The following PCDHGA6 variants were observed in gnomAD, a reference collection of about 807,000 sequenced individuals.
PCDHGA6 encodes the protein protocadherin gamma-A6.
PCDHGA6 carries 41 observed loss-of-function variants against 60.6 expected under a neutral mutation model. That is an observed-to-expected ratio of 0.68 (90% CI 0.53 to 0.88). The LOEUF (loss-of-function observed/expected upper bound fraction) is 0.88. Ranked by LOEUF, PCDHGA6 falls within the 40% of genes least tolerant of loss-of-function variation. The pLI is 0.00. For missense variants in PCDHGA6, 1,312 were observed against 1,203.0 expected (o/e 1.09, Z -1.34); for synonymous variants, 594 against 524.4 (o/e 1.13, Z -1.81).
intron 1 of PCDHGA6, chr5:141,408,748 T>A (rs757813921): frequency 2.5e-6 from 4 of 1,608,714 alleles, no homozygotes; most frequent in Non-Finnish European, 3.4e-6. Flanking sequence ...CATTAATGGT[T>A]AGAGTTAATT....
chr5:141,476,727 G>A lies in PCDHGA6; in HGVS notation c.2425-18080G>A, dbSNP rs762236731. On this transcript the variant is annotated intron_variant, in intron 1 of 3. Coordinates refer to ENST00000517434, the MANE Select transcript of PCDHGA6 (RefSeq NM_018919.3). This position sits in a 1 kb window ranked among gnomAD's most constrained non-coding sequence, Gnocchi z 7.6. ...CTGGTGTTGGAGCGCGCCCTGGACC[G>A]AGAACGGGAGCCTAGTCTCCAGTTA... 5 of 1,614,108 alleles carry A rather than the reference G, an allele frequency of 3.1e-6. No individual in the cohort carries two copies. Among genetic ancestry groups the A allele is most frequent in the Non-Finnish European group, 4.2e-6 (5 of 1,180,032 alleles).
chr5:141,496,621 C>A (rs1297797187), intron 2 of PCDHGA6, among the ~76,000 whole-genome samples: 1 of 152,214 alleles, frequency 6.6e-6, no homozygotes. Context: ...AGCAGCAGAT[C>A]AAAAGGCTTG....
chr5:141,456,698 C>T (rs1466672057), intron 1 of PCDHGA6, among the ~76,000 whole-genome samples: 1 of 152,132 alleles, frequency 6.6e-6, no homozygotes, highest in Non-Finnish European at 1.5e-5. Flanking sequence ...GGCGTGGTGG[C>T]TCGCGCCTGT....
At position 141,490,440 on chromosome 5, in the gene PCDHGA6, T is replaced by C. The variant is rs560525159; in HGVS notation, c.2425-4367T>C. On this transcript the variant is annotated intron_variant, in intron 1 of 3. Transcript: ENST00000517434. This position sits in a 1 kb window ranked among gnomAD's most constrained non-coding sequence, Gnocchi z 5.4. ...ACCTGCCATTTCAGATTAAGCCTTC[T>C]GAGAACCACTACTCGCTGCTAACCA... 7 of 1,614,206 alleles carry C rather than the reference T, an allele frequency of 4.3e-6. No homozygotes were observed. Among genetic ancestry groups the C allele is most frequent in the Non-Finnish European group, 5.9e-6 (7 of 1,180,040 alleles).
rs767842302 is a variant in PCDHGA6 at position 141,381,979 on chromosome 5, G to A, written c.2424+5472G>A. Among the ~76,000 whole-genome samples the A allele has an allele frequency of 2.6e-5, 4 of 151,486 alleles. 1 individual carries two copies. Among genetic ancestry groups the A allele is most frequent in the East Asian group, 3.9e-4 (2 of 5,156 alleles). On this transcript the variant is annotated intron_variant, in intron 1 of 3. Transcript: ENST00000517434. ...TGAGTAGCTGGGATTACAGGCGCGCGCCACCACGCCCGGATAATTTTGTAT... is the reference window on the plus strand; with the variant it reads ...TGAGTAGCTGGGATTACAGGCGCGCACCACCACGCCCGGATAATTTTGTAT...
rs144796076 is a variant in PCDHGA6, at chr5:141,394,245, G to A, written c.2424+17738G>A. ...CTCCATCTTTTCCTTGACTGCACACGACCCCGACAGCCAGGAGAATGCCCA... is the reference window on the plus strand; with the variant it reads ...CTCCATCTTTTCCTTGACTGCACACAACCCCGACAGCCAGGAGAATGCCCA... On this transcript the variant is annotated intron_variant, in intron 1 of 3. Transcript: ENST00000517434. The A allele has an allele frequency of 2.5e-3, 4,038 of 1,613,812 alleles. 13 individuals carry two copies. The highest frequency in any genetic ancestry group is 6.1e-3 in the Middle Eastern group (37 of 6,062).
rs1452737362 is a variant in PCDHGA6, at chr5:141,432,324, A to G, written c.2424+55817A>G. On this transcript the variant is annotated intron_variant, in intron 1 of 3. Transcript: ENST00000517434. The surrounding 1 kb of genome is among the most constrained non-coding windows in gnomAD (Gnocchi z 6.0). ...CTGTATGCGCTGAGCTCCTTCGACTACGAGCAGTTCCGAGACTTGCAAGTG... is the reference window on the plus strand; with the variant it reads ...CTGTATGCGCTGAGCTCCTTCGACTGCGAGCAGTTCCGAGACTTGCAAGTG... 3 of 1,614,058 alleles carry G rather than the reference A, an allele frequency of 1.9e-6. No homozygotes were observed. The highest frequency in any genetic ancestry group is 2.7e-5 in the African/African-American group (2 of 74,910).
In PCDHGA6 at chr5:141,486,805, C is replaced by A; in HGVS notation, c.2425-8002C>A. On this transcript the variant is annotated intron_variant, in intron 1 of 3. Transcript: ENST00000517434. The surrounding 1 kb of genome is among the most constrained non-coding windows in gnomAD (Gnocchi z 5.0). ...AGGCCCGGGATCGGGGCAACCCACC[C>A]CTTAGCAGCACTGTAACAGTTCGTC... 1.2e-6 allele frequency: 2 copies of A among 1,614,242 alleles called. No homozygotes were observed. Among genetic ancestry groups the A allele is most frequent in the Admixed American group, 1.7e-5 (1 of 60,034 alleles).
chr5:141,405,414 T>G, intron 1 of PCDHGA6: 3 of 1,562,312 alleles, frequency 1.9e-6, no homozygotes, highest in Non-Finnish European at 2.6e-6. Flanking sequence ...TTTCTTTTTT[T>G]GTTTTTTGTT....
rs1562131721 is a variant in PCDHGA6, at chr5:141,489,636, C to CGAGA, written c.2425-5171_2425-5170insGAGA. 10 of 1,614,074 alleles carry CGAGA rather than the reference C, an allele frequency of 6.2e-6. No individual in the cohort carries two copies. The highest frequency in any genetic ancestry group is 2.7e-5 in the African/African-American group (2 of 74,930). On this transcript the variant is annotated intron_variant, in intron 1 of 3. Coordinates refer to ENST00000517434, the MANE Select transcript of PCDHGA6 (RefSeq NM_018919.3). This position sits in a 1 kb window ranked among gnomAD's most constrained non-coding sequence, Gnocchi z 4.5. ...TGGATCTCAATGACAACTCTCCTAG[C>CGAGA]TTTGCCACCCCTGAGCGAGAGATGC...
Position 141,392,895 on chromosome 5 carries a change from A to C in PCDHGA6, c.2424+16388A>C, listed in dbSNP as rs1213908930. ...GCTGGGAACGCTGTGGGAAATCGGG[A>C]GGGGACAGATTCGCTACTCTGTGCC... On this transcript the variant is annotated intron_variant, in intron 1 of 3. Transcript: ENST00000517434. 11 of 1,613,660 alleles carry C rather than the reference A, an allele frequency of 6.8e-6. No individual in the cohort carries two copies. The Admixed American group carries it at 1.8e-4, about 27-fold the overall frequency.
At position 141,408,734 on chromosome 5, in the gene PCDHGA6, T is replaced by C. The variant is rs376769558; in HGVS notation, c.2424+32227T>C. 1.5e-4 allele frequency: 244 copies of C among 1,610,058 alleles called. No homozygotes were observed. The highest frequency in any genetic ancestry group is 1.9e-4 in the Non-Finnish European group (226 of 1,177,812). On this transcript the variant is annotated intron_variant, in intron 1 of 3. Transcript: ENST00000517434. ...TTATAAGATAAACTCTAATCCTTAT[T>C]TTTCATTAATGGTTAGAGTTAATTC...
chr5:141,383,137 C>A (rs750687055), intron 1 of PCDHGA6: 1 of 1,614,112 alleles, frequency 6.2e-7, no homozygotes, highest in Non-Finnish European at 8.5e-7. Flanking sequence ...CCTGAACCAG[C>A]GCAGCGGCAG....
Position 141,374,306 on chromosome 5 carries a change from TTC to T in PCDHGA6, c.229_230del (p.Leu77GlufsTer12), listed in dbSNP as rs1561562207. 6.2e-7 allele frequency: 1 copy of T among 1,613,958 alleles called. No homozygotes were observed. ...CGTCTCCAGAGGTAGGATGCAGCTT[TTC>T]TCTCTGAATCCGCGAAACGGCAGCT... ...RIVSRGRMQL[F>X]SLNPRNGSLV... On this transcript the variant is annotated frameshift_variant, in exon 1 of 4. Coordinates refer to ENST00000517434, the MANE Select transcript of PCDHGA6 (RefSeq NM_018919.3). LOFTEE classifies it high-confidence loss of function.
chr5:141,510,633 TACCA>T (rs2099882032), intron 3 of PCDHGA6, among the ~76,000 whole-genome samples: 1 of 152,110 alleles, frequency 6.6e-6, no homozygotes, highest in Admixed American at 6.6e-5. Flanking sequence ...AAGAGGTGGT[TACCA>T]TTATCATCCC....
chr5:141,384,797 T>C (rs766396351), intron 1 of PCDHGA6: 13 of 1,613,368 alleles, frequency 8.1e-6, no homozygotes, highest in Non-Finnish European at 1.1e-5. Context: ...CGGGCCCTGC[T>C]GGACAGAGAT....
chr5:141,375,579 C>A lies in PCDHGA6; in HGVS notation c.1496C>A (p.Ala499Glu). 1 of 1,614,114 alleles carries A rather than the reference C, an allele frequency of 6.2e-7. No individual in the cohort carries two copies. Among genetic ancestry groups the A allele is most frequent in the Non-Finnish European group, 8.5e-7 (1 of 1,179,990 alleles). Reference protein sequence around the residue: ...YSLAEDTLQGAPLSSYVSINS... With the variant: ...YSLAEDTLQGEPLSSYVSINS... The stretch of plus-strand genomic sequence containing the variant: ...CTGGCAGAAGACACCCTCCAGGGGG[C>A]GCCCCTGTCCTCCTACGTGTCCATC... Residue 499 changes from alanine (A) to glutamate (E), a missense_variant, in exon 1 of 4, where the codon GCG (alanine) becomes GAG (glutamate). Transcript: ENST00000517434.
Position 141,491,987 on chromosome 5 carries a change from T to A in PCDHGA6, c.2425-2820T>A. The A allele has an allele frequency of 1.4e-6, 1 of 736,922 alleles. No individual in the cohort carries two copies. The highest frequency in any genetic ancestry group is 2.0e-6 in the Non-Finnish European group (1 of 490,378). The allele number at this position is 736,922 out of a possible 1,614,324, so 45.6% of individuals were successfully genotyped here. On this transcript the variant is annotated intron_variant, in intron 1 of 3. Coordinates refer to ENST00000517434, the MANE Select transcript of PCDHGA6 (RefSeq NM_018919.3). The surrounding 1 kb of genome is among the most constrained non-coding windows in gnomAD (Gnocchi z 6.9). ...GCCGGGGCCTCCTTCGAGCTTCCGG[T>A]GAATTTCGGGCGATTTCCGCGGGTG...
chr5:141,461,286 C>T (rs2099012487), intron 1 of PCDHGA6, among the ~76,000 whole-genome samples: 1 of 152,144 alleles, frequency 6.6e-6, no homozygotes, highest in Admixed American at 6.6e-5. Context: ...TTCCCCACAT[C>T]CACACCAACA....
Sources: allele counts gnomAD v4.1 joint callset (sites outside exome capture counted in the v4.1 genomes callset), GRCh38; gene constraint gnomAD v4.1.1; non-coding constraint Gnocchi (gnomAD v3.1); transcripts MANE v1.5; gene names NCBI Gene and HGNC (gene_info 2026-07-23, HGNC 2026-07-21).